Variants in EPHA6 observed in about 807,000 individuals in gnomAD.
The protein encoded by EPHA6 is ephrin type-A receptor 6.
In EPHA6, 50 loss-of-function variants were observed where a neutral mutation model predicts 112.0. The ratio of observed to expected loss-of-function variants is 0.45; its 90% CI spans 0.36 to 0.56. The LOEUF is 0.56. Ranked by LOEUF, EPHA6 falls within the 20% of genes least tolerant of loss-of-function variation. The pLI is 0.00. For synonymous variants in EPHA6, 529 were observed against 490.7 expected (o/e 1.08, Z -1.03); for missense variants, 1,280 against 1,417.4 (o/e 0.90, Z 1.56).
chr3:96,819,681 A>G (rs982487916), intron 1 of EPHA6, among the ~76,000 whole-genome samples: 19 of 152,164 alleles, frequency 1.2e-4, no homozygotes, highest in African/African-American at 4.1e-4. Flanking sequence ...AATCAAACTA[A>G]TTTAATACAG....
rs1376003440 is a variant in EPHA6, at chr3:96,868,584, C to T, written c.450+1695C>T. ...AGGTACTCAGTTTCACTGAGGCATG[C>T]TCATTTGATTGACCATTTTAACAAT... On this transcript the variant is annotated intron_variant, in intron 2 of 17. Transcript: ENST00000389672. Among the ~76,000 whole-genome samples, 3 of 151,830 alleles carry T rather than the reference C, an allele frequency of 2.0e-5. No homozygotes were observed. In the East Asian group the frequency reaches 5.8e-4, roughly 29 times the overall value.
chr3:97,486,051 G>T lies in EPHA6; in HGVS notation c.2200+1992G>T, dbSNP rs953753609. 6.6e-5 allele frequency among the ~76,000 whole-genome samples: 10 copies of T among 152,116 alleles called. No individual in the cohort carries two copies. The East Asian group carries it at 1.9e-3, about 29-fold the overall frequency. On this transcript the variant is annotated intron_variant, in intron 10 of 17. Transcript: ENST00000389672. The stretch of plus-strand genomic sequence containing the variant: ...TATTTTTTCAAGTAAAATATAAATT[G>T]TTCTCTTAAAAAAGTATAATTGATA...
At chr3:96,953,820 G>A (rs1163167647) in intron 2 of EPHA6, among the ~76,000 whole-genome samples, 1 of 151,778 alleles carries the variant, frequency 6.6e-6, no homozygotes, top group Non-Finnish European at 1.5e-5. Context: ...ATTGTTATCT[G>A]TACTGCTGCT....
chr3:97,719,672 T>C (rs569738548), intron 14 of EPHA6, among the ~76,000 whole-genome samples: 6 of 152,348 alleles, frequency 3.9e-5, no homozygotes, highest in African/African-American at 1.4e-4. Context: ...ATATAAACTA[T>C]ATTAAAGTTT....
chr3:97,648,665 C>T (rs1432493882), intron 14 of EPHA6: 3 of 1,057,270 alleles, frequency 2.8e-6, no homozygotes, highest in Non-Finnish European at 3.4e-6. Context: ...ATACTCAGAA[C>T]TTTCACTCAC....
At chr3:97,175,092 G>T (rs1054069171) in intron 3 of EPHA6, among the ~76,000 whole-genome samples, 4 of 151,754 alleles carry the variant, frequency 2.6e-5, no homozygotes, top group Non-Finnish European at 4.4e-5. Context: ...AGAAATAGGG[G>T]TCTAGTTTCA....
chr3:96,819,661 C>T (rs1456336135), intron 1 of EPHA6, among the ~76,000 whole-genome samples: 1 of 152,116 alleles, frequency 6.6e-6, no homozygotes, highest in East Asian at 1.9e-4. Flanking sequence ...CTTTGTCCAA[C>T]ATACATTGTA....
chr3:97,005,837 ATTTTACCAAAGGCC>A (rs2043857319), intron 3 of EPHA6, among the ~76,000 whole-genome samples: 1 of 152,144 alleles, frequency 6.6e-6, no homozygotes, highest in African/African-American at 2.4e-5. Flanking sequence ...GGGATATTGA[ATTTTACCAAAGGCC>A]TTTTCTGCAT....
chr3:97,340,604 C>G (rs190044792), intron 5 of EPHA6, among the ~76,000 whole-genome samples: 46 of 152,234 alleles, frequency 3.0e-4, no homozygotes, highest in African/African-American at 1.1e-3. Flanking sequence ...ACAAAATACT[C>G]CAGTCTGGGT....
intron 3 of EPHA6, among the ~76,000 whole-genome samples, chr3:97,038,521 G>A (rs2045193974): frequency 6.6e-6 from 1 of 152,016 alleles, no homozygotes; most frequent in Admixed American, 6.6e-5. Context: ...ATAGTCTATT[G>A]TGTATATGTG....
chr3:96,965,087 G>A (rs539085308), intron 2 of EPHA6, among the ~76,000 whole-genome samples: 5 of 152,244 alleles, frequency 3.3e-5, no homozygotes, highest in African/African-American at 1.2e-4. Flanking sequence ...GTTGGCATTT[G>A]CCTTATTTGA....
chr3:96,986,793 G>A (rs1186744462), intron 2 of EPHA6, among the ~76,000 whole-genome samples: 1 of 152,070 alleles, frequency 6.6e-6, no homozygotes, highest in African/African-American at 2.4e-5. Context: ...ATAAGCCTAA[G>A]GCCTTATCCA....
At chr3:97,294,672 A>G (rs969143037) in intron 5 of EPHA6, among the ~76,000 whole-genome samples, 18 of 152,010 alleles carry the variant, frequency 1.2e-4, no homozygotes, top group Non-Finnish European at 2.4e-4. Flanking sequence ...GTCCCTCCTT[A>G]TCTTCATTTG....
chr3:97,070,593 C>G (rs1189429316), intron 3 of EPHA6, among the ~76,000 whole-genome samples: 1 of 152,116 alleles, frequency 6.6e-6, no homozygotes, highest in African/African-American at 2.4e-5. Flanking sequence ...ATGTAGTGTT[C>G]TTACCCTAAT....
chr3:97,653,083 T>A (rs2094117469), intron 14 of EPHA6, among the ~76,000 whole-genome samples: 1 of 151,964 alleles, frequency 6.6e-6, no homozygotes. Flanking sequence ...TTACATATAT[T>A]CTTAATATTA....
chr3:97,436,035 G>A (rs2107255368), intron 6 of EPHA6, among the ~76,000 whole-genome samples: 1 of 152,194 alleles, frequency 6.6e-6, no homozygotes, highest in South Asian at 2.1e-4. Flanking sequence ...ATTACTTATA[G>A]TCGCTCAGTG....
At chr3:97,338,136 G>A (rs2083144541) in intron 5 of EPHA6, among the ~76,000 whole-genome samples, 1 of 151,650 alleles carries the variant, frequency 6.6e-6, no homozygotes, top group African/African-American at 2.4e-5. Context: ...AAACTTATTA[G>A]CTCTTGAGAG....
chr3:97,354,893 A>G (rs1232756294), intron 5 of EPHA6, among the ~76,000 whole-genome samples: 1 of 152,172 alleles, frequency 6.6e-6, no homozygotes, highest in African/African-American at 2.4e-5. Flanking sequence ...AGGTGCTCCA[A>G]TATGTCTGGC....
intron 14 of EPHA6, among the ~76,000 whole-genome samples, chr3:97,650,647 C>CA (rs1364669090): frequency 6.6e-6 from 1 of 151,614 alleles, no homozygotes; most frequent in East Asian, 1.9e-4. Flanking sequence ...AAATCACACA[C>CA]AAAAAAGAAC....
Sources: gnomAD v4.1 joint callset for allele counts (sites outside exome capture counted in the v4.1 genomes callset) on GRCh38, gnomAD v4.1.1 for gene constraint, MANE v1.5 for transcripts, NCBI Gene and HGNC (gene_info 2026-07-23, HGNC 2026-07-21) for gene names.